Variants in PCDHA2 observed in about 807,000 individuals in gnomAD.
PCDHA2 encodes the protein protocadherin alpha-2.
Under a neutral mutation model 66.0 loss-of-function variants are expected in PCDHA2, and 58 were observed. The ratio of observed to expected loss-of-function variants is 0.88; its 90% CI spans 0.71 to 1.09. The LOEUF is 1.09. PCDHA2 is among the 50% of genes least tolerant of loss of function. The pLI is 0.00. For synonymous variants in PCDHA2, 634 were observed against 554.0 expected (o/e 1.14, Z -2.03); for missense variants, 1,267 against 1,242.3 (o/e 1.02, Z -0.30).
At chr5:140,835,526 C>T in intron 1 of PCDHA2, 1 of 1,613,946 alleles carries the variant, frequency 6.2e-7, no homozygotes. Context: ...ATTTTGGAGT[C>T]AACGGACAGG....
intron 1 of PCDHA2, among the ~76,000 whole-genome samples, chr5:140,873,375 T>G (rs251375): frequency 0.44 from 67,180 of 152,024 alleles, 15,319 homozygotes; most frequent in South Asian, 0.58. Flanking sequence ...GAAGATCTTT[T>G]AAAGACTTGG....
intron 1 of PCDHA2, among the ~76,000 whole-genome samples, chr5:140,873,191 C>G (rs1554166611): frequency 6.6e-6 from 1 of 151,960 alleles, no homozygotes; most frequent in Non-Finnish European, 1.5e-5. Flanking sequence ...TATTCATTGG[C>G]TAAAAACATT....
chr5:140,852,533 C>G (rs2150517773), intron 1 of PCDHA2: 2 of 491,290 alleles, frequency 4.1e-6, no homozygotes, highest in East Asian at 2.9e-4. Context: ...ACCTCGGCCT[C>G]CCAAAGTGCT....
At chr5:140,967,046 C>G in intron 1 of PCDHA2, 1 of 1,612,334 alleles carries the variant, frequency 6.2e-7, no homozygotes, top group Non-Finnish European at 8.5e-7. Context: ...GGAGCTGGAC[C>G]TGACGAGTGG....
At chr5:140,876,614 C>G in intron 1 of PCDHA2, 1 of 1,614,130 alleles carries the variant, frequency 6.2e-7, no homozygotes, top group Non-Finnish European at 8.5e-7. Flanking sequence ...GACTCTGGAG[C>G]CAATGGACAG....
rs569501434 is a variant in PCDHA2 at position 140,980,458 on chromosome 5, T to C, written c.2447+1451T>C. Among the ~76,000 whole-genome samples the C allele has an allele frequency of 1.6e-4, 25 of 152,264 alleles. No individual in the cohort carries two copies. The South Asian group carries it at 2.7e-3, about 16-fold the overall frequency. ...CATCCTGGACAACACGGTGAAACCC[T>C]GTCTCTACTAAAAATACAAAAATTA... On this transcript the variant is annotated intron_variant, in intron 2 of 3. Coordinates refer to ENST00000526136, the MANE Select transcript of PCDHA2 (RefSeq NM_018905.3).
At chr5:140,843,268 C>A in intron 1 of PCDHA2, 1 of 1,596,100 alleles carries the variant, frequency 6.3e-7, no homozygotes, top group Non-Finnish European at 8.6e-7. Flanking sequence ...GTCTGCTGGT[C>A]CTGGTGAAGG....
chr5:140,863,217 G>A (rs932359746), intron 1 of PCDHA2: 13 of 1,095,768 alleles, frequency 1.2e-5, no homozygotes, highest in Non-Finnish European at 1.6e-5. Flanking sequence ...GCAGCCAAGC[G>A]AGGAAGGTCC....
chr5:140,842,218 G>A, intron 1 of PCDHA2: 1 of 1,613,154 alleles, frequency 6.2e-7, no homozygotes, highest in Non-Finnish European at 8.5e-7. Context: ...ATCGAAATAC[G>A]GGAGAAATAG....
intron 1 of PCDHA2, chr5:140,836,307 G>T: frequency 6.2e-7 from 1 of 1,613,740 alleles, no homozygotes; most frequent in Non-Finnish European, 8.5e-7. Context: ...TGAGACGGAC[G>T]CACCGCGCCA....
intron 1 of PCDHA2, chr5:140,835,993 C>T: frequency 6.2e-7 from 1 of 1,613,346 alleles, no homozygotes; most frequent in Non-Finnish European, 8.5e-7. Context: ...CAGGTGAGCG[C>T]GCGCGATGCG....
At chr5:140,932,794 G>A (rs945877357) in intron 1 of PCDHA2, among the ~76,000 whole-genome samples, 46 of 151,806 alleles carry the variant, frequency 3.0e-4, no homozygotes, top group African/African-American at 4.8e-5. Flanking sequence ...TAAGAGAAAA[G>A]CAATACCTTG....
chr5:140,877,308 A>C lies in PCDHA2; in HGVS notation c.2388+79956A>C, dbSNP rs2057012120. ...ACGCTTGGCTGTCCTACGAGTTGCAACCGGCGGCGGTCGGCGCGCACATCC... is the reference window on the plus strand; with the variant it reads ...ACGCTTGGCTGTCCTACGAGTTGCACCCGGCGGCGGTCGGCGCGCACATCC... On this transcript the variant is annotated intron_variant, in intron 1 of 3. Coordinates refer to ENST00000526136, the MANE Select transcript of PCDHA2 (RefSeq NM_018905.3). The C allele has an allele frequency of 1.9e-6, 3 of 1,613,898 alleles. No individual in the cohort carries two copies. In the East Asian group the frequency reaches 6.7e-5, roughly 36 times the overall value.
intron 1 of PCDHA2, chr5:140,870,778 G>T: frequency 1.2e-6 from 2 of 1,613,620 alleles, no homozygotes; most frequent in South Asian, 1.1e-5. Context: ...GGACGAGAAC[G>T]ACAACGCGCC....
In PCDHA2 at chr5:140,924,907, AAAATAAAAT is replaced by A. The variant is rs1563068988; in HGVS notation, c.2389-54038_2389-54030del. 7.1e-4 allele frequency among the ~76,000 whole-genome samples: 36 copies of A among 50,968 alleles called. 1 individual carries two copies. The highest frequency in any genetic ancestry group is 1.7e-3 in the African/African-American group (12 of 7,266). The allele number at this position is 50,968 out of a possible 152,430, so 33.4% of individuals were successfully genotyped here. ...AAGAACCTGTCTCAAAAAAAAAAAT[AAAATAAAAT>A]AAAATAAAATAAAATAAAATAAAAA... On this transcript the variant is annotated intron_variant, in intron 1 of 3. Transcript: ENST00000526136.
In PCDHA2 at chr5:141,010,033, G is replaced by A. The variant is rs2098415819; in HGVS notation, c.*96G>A. 1.9e-6 allele frequency: 3 copies of A among 1,581,924 alleles called. No homozygotes were observed. The South Asian group carries it at 3.6e-5, about 19-fold the overall frequency. ...CCCTGCTCCTTTTTCCTATCTACAT[G>A]AGCCCTCTTAGAGACCTCAGAAATC... On this transcript the variant is annotated 3_prime_UTR_variant, in exon 4 of 4. Transcript: ENST00000526136.
At chr5:140,836,168 T>G in intron 1 of PCDHA2, 2 of 1,613,802 alleles carry the variant, frequency 1.2e-6, no homozygotes, top group African/African-American at 1.3e-5. Flanking sequence ...CGAAGGTACG[T>G]GCAGTTGACG....
chr5:140,796,278 C>G lies in PCDHA2; in HGVS notation c.1314C>G (p.Thr438=). 7 of 1,614,128 alleles carry G rather than the reference C, an allele frequency of 4.3e-6. No individual in the cohort carries two copies. Among genetic ancestry groups the G allele is most frequent in the Non-Finnish European group, 5.9e-6 (7 of 1,180,048 alleles). The change falls in exon 1 of 4, where the codon ACC becomes ACG. Residue 438 remains threonine (T), a synonymous_variant. Coordinates refer to ENST00000526136, the MANE Select transcript of PCDHA2 (RefSeq NM_018905.3). Reference sequence around the variant, plus strand: ...GGGGCTCGCCTTCACTGTGGGCCACCACCAGCGTGTCCATCGAGGTGGCCG... The same window carrying G: ...GGGGCTCGCCTTCACTGTGGGCCACGACCAGCGTGTCCATCGAGGTGGCCG... ...RDGGSPSLWA[T]TSVSIEVADV...
chr5:140,961,738 G>A (rs976601916), intron 1 of PCDHA2, among the ~76,000 whole-genome samples: 2 of 152,118 alleles, frequency 1.3e-5, no homozygotes, highest in African/African-American at 4.8e-5. Flanking sequence ...AATCACTTTA[G>A]TAATATTACA....
Sources: allele counts gnomAD v4.1 joint callset (sites outside exome capture counted in the v4.1 genomes callset), GRCh38; gene constraint gnomAD v4.1.1; transcripts MANE v1.5; gene names NCBI Gene and HGNC (gene_info 2026-07-23, HGNC 2026-07-21).